MAP2: variants seen among roughly 807,000 people sequenced by gnomAD.
MAP2 encodes the protein microtubule-associated protein 2.
In MAP2, 14 loss-of-function variants were observed where a neutral mutation model predicts 137.6. The ratio of observed to expected loss-of-function variants is 0.10; its 90% CI spans 0.07 to 0.16. The LOEUF is 0.16. MAP2 is among the 10% of genes least tolerant of loss of function. MAP2 has a pLI of 1.00. For missense variants in MAP2, 2,088 were observed against 2,191.5 expected, an observed-to-expected ratio of 0.95 and a Z score of 0.94; for synonymous variants, 786 against 782.3, an observed-to-expected ratio of 1.00 and a Z score of -0.08.
intron 2 of MAP2, among the ~76,000 whole-genome samples, chr2:209,547,403 C>T (rs761459081): frequency 6.6e-6 from 1 of 152,060 alleles, no homozygotes; most frequent in Non-Finnish European, 1.5e-5. Flanking sequence ...AAGTTCCTCA[C>T]AAGTTGCAAT....
intron 1 of MAP2, among the ~76,000 whole-genome samples, chr2:209,440,573 A>T (rs981545028): frequency 2.6e-5 from 4 of 151,540 alleles, no homozygotes; most frequent in Non-Finnish European, 4.4e-5. Context: ...CATTGCATTA[A>T]TTCACACTTT....
At chr2:209,618,079 T>C (rs2090073490) in intron 3 of MAP2, among the ~76,000 whole-genome samples, 2 of 152,008 alleles carry the variant, frequency 1.3e-5, no homozygotes, top group Non-Finnish European at 2.9e-5. Flanking sequence ...CAAATAAATA[T>C]AAGAAACGAG....
At position 209,588,488 on chromosome 2, in the gene MAP2, T is replaced by C. The variant is rs543852724; in HGVS notation, c.-107+8388T>C. On this transcript the variant is annotated intron_variant, in intron 3 of 15. Coordinates refer to ENST00000682079, the MANE Select transcript of MAP2 (RefSeq NM_001375505.1). ...CAATTATTAAGGAAAAGATACTCCA[T>C]TTAATGCATTATAACCAAAATATCT... 4.7e-4 allele frequency among the ~76,000 whole-genome samples: 72 copies of C among 152,310 alleles called. 2 individuals carry two copies. The South Asian group carries it at 0.015, about 31-fold the overall frequency.
chr2:209,440,289 A>G (rs928882119), intron 1 of MAP2, among the ~76,000 whole-genome samples: 2 of 151,698 alleles, frequency 1.3e-5, no homozygotes, highest in African/African-American at 4.8e-5. Flanking sequence ...AACAAAACTT[A>G]TTTCATCCTA....
At chr2:209,697,152 G>T in intron 10 of MAP2, 101 bp downstream of exon 10, 1 of 1,241,804 alleles carries the variant, frequency 8.1e-7, no homozygotes. Context: ...TTTCTTCCAA[G>T]AATCTCAGCA....
At chr2:209,555,701 G>T (rs953507519) in intron 2 of MAP2, among the ~76,000 whole-genome samples, 5 of 152,106 alleles carry the variant, frequency 3.3e-5, no homozygotes, top group Admixed American at 6.5e-5. Flanking sequence ...ATTGTGCCAG[G>T]CATAGAGGTA....
chr2:209,685,063 T>A (rs1370141396), intron 7 of MAP2, among the ~76,000 whole-genome samples: 1 of 152,160 alleles, frequency 6.6e-6, no homozygotes, highest in Non-Finnish European at 1.5e-5. Context: ...CAGAGATAGA[T>A]AATATTCATT....
At chr2:209,451,974 T>C (rs1700425890) in intron 1 of MAP2, among the ~76,000 whole-genome samples, 1 of 152,180 alleles carries the variant, frequency 6.6e-6, no homozygotes, top group Non-Finnish European at 1.5e-5. Context: ...TACCTCAGCC[T>C]AGAACTCTGT....
intron 13 of MAP2, among the ~76,000 whole-genome samples, chr2:209,711,842 A>G (rs1332397926): frequency 6.6e-6 from 1 of 152,140 alleles, no homozygotes; most frequent in African/African-American, 2.4e-5. Context: ...GTATATTTAA[A>G]AATCAGTTCT....
chr2:209,609,161 G>A (rs986595613), intron 3 of MAP2, among the ~76,000 whole-genome samples: 2 of 151,602 alleles, frequency 1.3e-5, no homozygotes, highest in Non-Finnish European at 2.9e-5. Context: ...CTAATATATA[G>A]TAACAAATGT....
At chr2:209,614,675 A>G (rs1214177965) in intron 3 of MAP2, among the ~76,000 whole-genome samples, 3 of 152,198 alleles carry the variant, frequency 2.0e-5, no homozygotes, top group Admixed American at 2.0e-4. Context: ...ATTACAAGCA[A>G]TCGCTTTAGT....
intron 1 of MAP2, among the ~76,000 whole-genome samples, chr2:209,478,690 C>G (rs964967216): frequency 6.6e-6 from 1 of 152,118 alleles, no homozygotes; most frequent in Non-Finnish European, 1.5e-5. Flanking sequence ...ATTAAAATAC[C>G]AACTTCTAGT....
At chr2:209,527,005 A>G (rs190088034) in intron 2 of MAP2, among the ~76,000 whole-genome samples, 1 of 152,286 alleles carries the variant, frequency 6.6e-6, no homozygotes, top group East Asian at 1.9e-4. Context: ...ATATATGAAT[A>G]GGACAGAGCT....
intron 5 of MAP2, among the ~76,000 whole-genome samples, chr2:209,675,515 C>T (rs1057126070): frequency 6.6e-6 from 1 of 151,760 alleles, no homozygotes; most frequent in Admixed American, 6.6e-5. Context: ...TACTTCTATT[C>T]TCCTTTTTTC....
chr2:209,517,350 A>G (rs1447411718), intron 2 of MAP2, among the ~76,000 whole-genome samples: 2 of 152,158 alleles, frequency 1.3e-5, no homozygotes, highest in Non-Finnish European at 2.9e-5. Context: ...AAATATAAAG[A>G]GGATGCAAAC....
intron 2 of MAP2, among the ~76,000 whole-genome samples, chr2:209,555,295 T>A (rs2070299349): frequency 6.6e-6 from 1 of 152,202 alleles, no homozygotes; most frequent in East Asian, 1.9e-4. Context: ...ACTTAAAAAA[T>A]GCACATATTC....
At position 209,695,282 on chromosome 2, in the gene MAP2, C is replaced by G. The variant is rs556888204; in HGVS notation, c.3112C>G (p.Leu1038Val). The G allele has an allele frequency of 6.2e-7, 1 of 1,613,892 alleles. No homozygotes were observed. The change falls in exon 8 of 16, where the codon CTG (leucine) becomes GTG (valine). Residue 1038 changes from leucine (L) to valine (V), a missense_variant. Coordinates refer to ENST00000682079, the MANE Select transcript of MAP2 (RefSeq NM_001375505.1). ...VEPSKKVEQG[L>V]DFAVQGQLDV... ...ACCATCCAAAAAGGTGGAACAAGGT[C>G]TGGATTTTGCTGTCCAGGGTCAACT...
At chr2:209,588,148 A>G (rs2078255150) in intron 3 of MAP2, among the ~76,000 whole-genome samples, 1 of 152,190 alleles carries the variant, frequency 6.6e-6, no homozygotes, top group African/African-American at 2.4e-5. Flanking sequence ...TCCATAATGG[A>G]CAGCACTGGT....
chr2:209,722,522 T>C (rs1023890918), intron 13 of MAP2, among the ~76,000 whole-genome samples: 1 of 152,184 alleles, frequency 6.6e-6, no homozygotes, highest in Admixed American at 6.5e-5. Context: ...TGTTGTTTTT[T>C]TTTCTTTAGC....
Sources: allele counts gnomAD v4.1 joint callset (sites outside exome capture counted in the v4.1 genomes callset), GRCh38; gene constraint gnomAD v4.1.1; transcripts MANE v1.5; gene names NCBI Gene and HGNC (gene_info 2026-07-23, HGNC 2026-07-21).